OGFR: variants seen among roughly 807,000 people sequenced by gnomAD.
The protein encoded by OGFR is opioid growth factor receptor.
In OGFR, 18 loss-of-function variants were observed where a neutral mutation model predicts 33.6. That is an observed-to-expected ratio of 0.54 (90% CI 0.37 to 0.80). OGFR has a LOEUF of 0.80. Among genes scored for constraint, OGFR ranks in the 30% least tolerant of loss-of-function variants. The pLI, the probability that OGFR is intolerant of heterozygous loss-of-function variation, is 0.00. For synonymous variants in OGFR, 370 were observed against 400.7 expected, an observed-to-expected ratio of 0.92 and a Z score of 0.91; for missense variants, 877 against 955.8, an observed-to-expected ratio of 0.92 and a Z score of 1.09.
intron 1 of OGFR, 77 bp downstream of exon 1, chr20:62,805,107 A>G: frequency 8.6e-7 from 1 of 1,159,334 alleles, no homozygotes; most frequent in Non-Finnish European, 1.1e-6. Flanking sequence ...AGACCCCCCC[A>G]TCCCGGGCGG....
rs762052877 is a variant in OGFR at position 62,813,141 on chromosome 20, G to A, written c.1526G>A (p.Gly509Glu). Residue 509 changes from glycine to glutamate, a missense_variant, in exon 7 of 7, where the codon GGG becomes GAG. Transcript: ENST00000290291. ...GVEEDTEGRT[G>E]PKEGTPGSPS... Reference sequence around the variant, plus strand: ...GAGGAGGACACAGAAGGTCGAACGGGGCCCAAAGAAGGTACCCCTGGGAGC... The same window carrying A: ...GAGGAGGACACAGAAGGTCGAACGGAGCCCAAAGAAGGTACCCCTGGGAGC... The A allele has an allele frequency of 1.9e-6, 3 of 1,582,634 alleles. No homozygotes were observed. The highest frequency in any genetic ancestry group is 2.6e-6 in the Non-Finnish European group (3 of 1,164,690).
At position 62,806,942 on chromosome 20, in the gene OGFR, A is replaced by G. The variant is rs959977269; in HGVS notation, c.172-595A>G. The G allele has an allele frequency of 4.4e-5, 7 of 157,362 alleles. No individual in the cohort carries two copies. In the South Asian group the frequency reaches 1.3e-3, roughly 28 times the overall value. The allele number at this position is 157,362 out of a possible 1,614,324, so 9.7% of individuals were successfully genotyped here. A position where few individuals can be genotyped will look rare whatever the true frequency, so the allele number is the denominator to read the frequency against. ...AGAAGCCATCACTAGACAGGGCTGG[A>G]GGCTGGAGACTCAGGGCCTGCCCTC... is the stretch of plus-strand genomic sequence containing the variant. On this transcript the variant is annotated intron_variant, in intron 1 of 6. Coordinates refer to ENST00000290291, the MANE Select transcript of OGFR (RefSeq NM_007346.4).
chr20:62,807,488 ACTTGGGGGT>A (rs1397160835), intron 1 of OGFR, 40 bp from the exon 2 acceptor site: 1 of 1,564,040 alleles, frequency 6.4e-7, no homozygotes, highest in Non-Finnish European at 8.8e-7. Flanking sequence ...GTTGGGACTC[ACTTGGGGGT>A]CTCCCATGGG....
chr20:62,808,375 A>C (rs564590228), intron 3 of OGFR, 50 bp downstream of exon 3: 1 of 1,421,212 alleles, frequency 7.0e-7, no homozygotes, highest in African/African-American at 1.4e-5. Context: ...CTTGCCTGGC[A>C]GGGGTGGTCC....
chr20:62,811,382 C>G, intron 5 of OGFR, 80 bp from the exon 6 acceptor site: 4 of 1,490,736 alleles, frequency 2.7e-6, no homozygotes, highest in Non-Finnish European at 3.7e-6. Flanking sequence ...CTGAGTGAGT[C>G]GGGACCCACG....
At position 62,811,548 on chromosome 20, in the gene OGFR, C is replaced by T. The variant is rs751821839; in HGVS notation, c.552C>T (p.Asp184=). The T allele has an allele frequency of 7.5e-6, 12 of 1,607,308 alleles. No individual in the cohort carries two copies. The highest frequency in any genetic ancestry group is 1.0e-5 in the Non-Finnish European group (12 of 1,177,784). Residue 184 remains aspartate (D), a synonymous_variant, in exon 6 of 7, where the codon GAC becomes GAT. Coordinates refer to ENST00000290291, the MANE Select transcript of OGFR (RefSeq NM_007346.4). ...GCTTCTACGGGATCCGGCTGGAGGA[C>T]CGAGGCACGGGCACGGTGGGCCGAG... is the stretch of plus-strand genomic sequence containing the variant. ...MLGFYGIRLE[D]RGTGTVGRAQ...
At chr20:62,807,492 G>A in intron 1 of OGFR, 45 bp from the exon 2 acceptor site, 1 of 1,574,826 alleles carries the variant, frequency 6.3e-7, no homozygotes. Flanking sequence ...GGACTCACTT[G>A]GGGGTCTCCC....
chr20:62,813,400 C>T lies in OGFR; in HGVS notation c.1785C>T (p.Ala595=), dbSNP rs774934469. The T allele has an allele frequency of 4.5e-6, 7 of 1,551,678 alleles. No homozygotes were observed. The highest frequency in any genetic ancestry group is 5.2e-6 in the Non-Finnish European group (6 of 1,162,152). The change falls in exon 7 of 7, where the codon GCC becomes GCT. Residue 595 remains alanine, a synonymous_variant. Transcript: ENST00000290291. ...CAGGACCTACAAGGGATGAGCCAGCCGAGAGCCCATCGGAGACCCCAGGCC... is the reference window on the plus strand; with the variant it reads ...CAGGACCTACAAGGGATGAGCCAGCTGAGAGCCCATCGGAGACCCCAGGCC... ...SPAGPTRDEP[A]ESPSETPGPR... is the part of the protein sequence containing the mutation.
At chr20:62,807,821 C>G in intron 2 of OGFR, 1 of 609,132 alleles carries the variant, frequency 1.6e-6, no homozygotes, top group Admixed American at 2.9e-5. Flanking sequence ...CTTTTCTGAG[C>G]TTCAGCACAC....
At chr20:62,808,854 A>G (rs1990656765) in intron 3 of OGFR, among the ~76,000 whole-genome samples, 1 of 151,888 alleles carries the variant, frequency 6.6e-6, no homozygotes, top group African/African-American at 2.4e-5. Flanking sequence ...GTGCGCCTGT[A>G]GTCCCAGCTA....
chr20:62,804,951 C>A lies in OGFR; in HGVS notation c.92C>A (p.Ala31Asp). ...GAGGACTGCGAGGACGGCGAGGCCG[C>A]CGGCGCGAGGGACGCGGACGCAGGG... The part of the protein sequence containing the change: ...EDEDCEDGEA[A>D]GARDADAGDE... The change falls in exon 1 of 7, where the codon GCC (alanine) becomes GAC (aspartate). Residue 31 changes from alanine to aspartate, a missense_variant. Ala to Asp is a moderately radical substitution (Grantham distance 126, BLOSUM62 -2). Around this residue, in one of 3 missense-constraint regions of OGFR, gnomAD observed 760 missense variants for 736.0 expected, o/e 1.03. Coordinates refer to ENST00000290291, the MANE Select transcript of OGFR (RefSeq NM_007346.4). The A allele has an allele frequency of 6.7e-7, 1 of 1,491,658 alleles. No homozygotes were observed. Among genetic ancestry groups the A allele is most frequent in the Non-Finnish European group, 8.9e-7 (1 of 1,120,952 alleles). 92.4% of individuals were successfully genotyped at this position (1,491,658 alleles called of 1,614,324 possible).
rs185919283 is a variant in OGFR, at chr20:62,806,750, G to A, written c.172-787G>A. ...TACGCCCATTCCTGCCCTACCCACC[G>A]AGTGAGGCTCAGCCCCAGGCCCCCC... On this transcript the variant is annotated intron_variant, in intron 1 of 6. Transcript: ENST00000290291. 1.6e-3 allele frequency: 238 copies of A among 152,386 alleles called. 1 individual carries two copies. The highest frequency in any genetic ancestry group is 2.8e-3 in the Non-Finnish European group (190 of 68,104). The allele number at this position is 152,386 out of a possible 1,614,324, so 9.4% of individuals were successfully genotyped here.
intron 3 of OGFR, among the ~76,000 whole-genome samples, chr20:62,809,062 T>C (rs1990665031): frequency 6.6e-6 from 1 of 151,484 alleles, no homozygotes; most frequent in South Asian, 2.1e-4. Flanking sequence ...TCAATAAAGC[T>C]TCACGGGCAC....
rs1048586942 is a variant in OGFR at position 62,809,437 on chromosome 20, C to G, written c.320-148C>G. The G allele has an allele frequency of 2.3e-5, 15 of 641,468 alleles. No individual in the cohort carries two copies. In the African/African-American group the frequency reaches 2.5e-4, roughly 11 times the overall value. The allele number at this position is 641,468 out of a possible 1,614,324, so 39.7% of individuals were successfully genotyped here. The stretch of plus-strand genomic sequence containing the variant: ...ATGGGCAGCCCCACTGAGCCTAGCA[C>G]CCTGAAGAGCCTCAGGAGATGAGGG... On this transcript the variant is annotated intron_variant, in intron 3 of 6. Transcript: ENST00000290291.
In OGFR at chr20:62,804,995, G is replaced by C. The variant is rs560795439; in HGVS notation, c.136G>C (p.Glu46Gln). The C allele has an allele frequency of 2.6e-4, 376 of 1,471,430 alleles. 2 individuals are homozygous for C. The African/African-American group carries it at 5.0e-3, about 20-fold the overall frequency. 91.1% of individuals were successfully genotyped at this position (1,471,430 alleles called of 1,614,324 possible). ...ADAGDEDEESEEPRAARPSSF... is the reference protein window; with the variant it reads ...ADAGDEDEESQEPRAARPSSF... ...CGCAGGGGACGAGGACGAGGAGTCGGAGGAGCCGCGGGCGGCGCGGCCCAG... is the reference window on the plus strand; with the variant it reads ...CGCAGGGGACGAGGACGAGGAGTCGCAGGAGCCGCGGGCGGCGCGGCCCAG... Residue 46 changes from glutamate to glutamine, a missense_variant, in exon 1 of 7, where the codon GAG becomes CAG. Coordinates refer to ENST00000290291, the MANE Select transcript of OGFR (RefSeq NM_007346.4).
chr20:62,813,495 C>T lies in OGFR; in HGVS notation c.1880C>T (p.Ala627Val), dbSNP rs779207385. 2.2e-5 allele frequency: 28 copies of T among 1,270,018 alleles called. No homozygotes were observed. The highest frequency in any genetic ancestry group is 2.9e-5 in the Non-Finnish European group (26 of 907,822). 78.7% of individuals were successfully genotyped at this position (1,270,018 alleles called of 1,614,324 possible). Residue 627 changes from alanine to valine, a missense_variant, in exon 7 of 7, where the codon GCA (alanine) becomes GTA (valine). Physicochemically the swap from Ala to Val is moderately conservative, Grantham distance 64. Around this residue, in one of 3 missense-constraint regions of OGFR, gnomAD observed 72 missense variants for 181.8 expected, o/e 0.40. Coordinates refer to ENST00000290291, the MANE Select transcript of OGFR (RefSeq NM_007346.4). ...TCGGAGACCCCAGGCCCCCGCCCGG[C>T]AGGACCTGCAGGGGACGAGCCAGCC... is the stretch of plus-strand genomic sequence containing the variant. ...SPSETPGPRP[A>V]GPAGDEPAES...
At position 62,813,511 on chromosome 20, in the gene OGFR, C is replaced by T. The variant is rs1421840553; in HGVS notation, c.1896C>T (p.Asp632=). 219 of 1,219,666 alleles carry T rather than the reference C, an allele frequency of 1.8e-4. 2 individuals carry two copies. The highest frequency in any genetic ancestry group is 1.7e-4 in the East Asian group (7 of 40,870). The allele number at this position is 1,219,666 out of a possible 1,614,324, so 75.6% of individuals were successfully genotyped here. A position where few individuals can be genotyped will look rare whatever the true frequency, so the allele number is the denominator to read the frequency against. Residue 632 remains aspartate, a synonymous_variant, in exon 7 of 7, where the codon GAC becomes GAT. Transcript: ENST00000290291. The part of the protein sequence containing the change: ...PGPRPAGPAG[D]EPAESPSETP... ...CCCGCCCGGCAGGACCTGCAGGGGA[C>T]GAGCCAGCCGAGAGCCCATCGGAGA...
intron 6 of OGFR, 148 bp downstream of exon 6, chr20:62,811,758 C>A: frequency 1.1e-6 from 1 of 905,920 alleles, no homozygotes; most frequent in Middle Eastern, 3.5e-4. Context: ...CTCCTTGCTG[C>A]CTGTAGAGCC....
In OGFR at chr20:62,812,430, A is replaced by T; in HGVS notation, c.815A>T (p.His272Leu). 6.3e-7 allele frequency: 1 copy of T among 1,580,930 alleles called. No individual in the cohort carries two copies. The highest frequency in any genetic ancestry group is 8.6e-7 in the Non-Finnish European group (1 of 1,164,272). Reference protein sequence around the residue: ...RCRHQRRQLVHFAWEHFRPRC... With the variant: ...RCRHQRRQLVLFAWEHFRPRC... ...CGACACCAGCGCCGCCAGCTGGTGC[A>T]CTTCGCCTGGGAGCACTTCCGGCCC... The change falls in exon 7 of 7, where the codon CAC becomes CTC. Residue 272 changes from histidine (H) to leucine (L), a missense_variant. His to Leu is a moderately conservative substitution (Grantham distance 99). Around this residue, in one of 3 missense-constraint regions of OGFR, gnomAD observed 760 missense variants for 736.0 expected, o/e 1.03. Coordinates refer to ENST00000290291, the MANE Select transcript of OGFR (RefSeq NM_007346.4).
Sources: gnomAD v4.1 joint callset for allele counts (sites outside exome capture counted in the v4.1 genomes callset) on GRCh38, gnomAD v4.1.1 for gene constraint, gnomAD v4.1.1 regional missense constraint, MANE v1.5 for transcripts, NCBI Gene and HGNC (gene_info 2026-07-23, HGNC 2026-07-21) for gene names.